Variants in NT5DC4 observed in about 807,000 individuals in gnomAD.
NT5DC4 encodes the protein 5'-nucleotidase domain containing 4.
In NT5DC4, 44 loss-of-function variants were observed where a neutral mutation model predicts 26.6. The ratio of observed to expected loss-of-function variants is 1.65; its 90% CI spans 1.30 to 2.13. NT5DC4 has a LOEUF of 2.13. Ranked by LOEUF, NT5DC4 falls within the 30% of genes most tolerant of loss-of-function variation. The pLI, the probability that NT5DC4 is intolerant of heterozygous loss-of-function variation, is 0.00. For synonymous variants in NT5DC4, 157 were observed against 86.7 expected (o/e 1.81, Z -4.51); for missense variants, 399 against 228.1 (o/e 1.75, Z -4.83).
At chr2:112,734,725 C>T (rs896630007) in intron 16 of NT5DC4, among the ~76,000 whole-genome samples, 8 of 152,092 alleles carry the variant, frequency 5.3e-5, no homozygotes, top group African/African-American at 1.4e-4. Context: ...AGTCTTGCTC[C>T]GTCGCCTAGG....
At chr2:112,740,924 A>G, downstream of NT5DC4, 4 of 1,614,028 alleles carry the variant, frequency 2.5e-6, no homozygotes, top group Non-Finnish European at 3.4e-6. Flanking sequence ...GGAGAAAGAC[A>G]AGACTTCACA....
chr2:112,738,462 A>G (rs1177847446), intron 16 of NT5DC4: 1 of 214,514 alleles, frequency 4.7e-6, no homozygotes, highest in Non-Finnish European at 9.4e-6. Context: ...GCCCTCTGCT[A>G]AGGTGGATGC....
chr2:112,719,267 G>A (rs1182573092), upstream of NT5DC4, among the ~76,000 whole-genome samples: 1 of 152,206 alleles, frequency 6.6e-6, no homozygotes, highest in African/African-American at 2.4e-5. Context: ...ATGGGACTCA[G>A]TGGCATACGC....
At chr2:112,739,880 C>T (rs1435303487), downstream of NT5DC4, among the ~76,000 whole-genome samples, 3 of 152,166 alleles carry the variant, frequency 2.0e-5, no homozygotes, top group Non-Finnish European at 4.4e-5. Context: ...TCTTGAACTC[C>T]TAGGCTCAAG....
chr2:112,736,854 T>C (rs1246964374), intron 16 of NT5DC4: 1 of 152,244 alleles, frequency 6.6e-6, no homozygotes, highest in Non-Finnish European at 1.5e-5. Flanking sequence ...ATTTAGGTTG[T>C]TTCCACATCT....
intron 1 of NT5DC4, chr2:112,721,428 T>C (rs1475689364): frequency 2.8e-6 from 2 of 716,004 alleles, no homozygotes; most frequent in Non-Finnish European, 2.6e-6. Flanking sequence ...TATCCAATTG[T>C]GACAAACACA....
At position 112,722,091 on chromosome 2, in the gene NT5DC4, C is replaced by T. The variant is rs1371571931; in HGVS notation, c.254C>T (p.Thr85Ile). ...ATCCTGCGCTACACCTACGACCCCA[C>T]CTTCCCCACCAGGTGTGTGGCTCAG... Reference protein sequence around the residue: ...HEILRYTYDPTFPTRRLVFDE... With the variant: ...HEILRYTYDPIFPTRRLVFDE... Residue 85 changes from threonine to isoleucine, a missense_variant, in exon 3 of 17, where the codon ACC becomes ATC. Transcript: ENST00000688554. 6 of 716,968 alleles carry T rather than the reference C, an allele frequency of 8.4e-6. No homozygotes were observed. The highest frequency in any genetic ancestry group is 4.0e-5 in the Admixed American group (2 of 50,006). The allele number at this position is 716,968 out of a possible 1,614,324, so 44.4% of individuals were successfully genotyped here.
chr2:112,719,971 TTTCTTTC>T (rs1676728892), upstream of NT5DC4, among the ~76,000 whole-genome samples: 1 of 121,062 alleles, frequency 8.3e-6, no homozygotes, highest in African/African-American at 3.2e-5. Context: ...TCTTTCTTTC[TTTCTTTC>T]TTTCTTTCTT....
intron 16 of NT5DC4, among the ~76,000 whole-genome samples, chr2:112,734,780 CCCGGGTTCAAGTGATCCT>C (rs1385106838): frequency 6.6e-6 from 1 of 152,160 alleles, no homozygotes; most frequent in Admixed American, 6.5e-5. Flanking sequence ...CCCTTTGTTT[CCCGGGTTCAAGTGATCCT>C]CCTGCCTCAG....
downstream of NT5DC4, chr2:112,742,834 C>T: frequency 9.3e-7 from 1 of 1,077,468 alleles, no homozygotes; most frequent in Non-Finnish European, 1.4e-6. Context: ...TGCTAAGGAA[C>T]TTTAACTTCA....
chr2:112,724,860 A>T lies in NT5DC4; in HGVS notation c.869A>T (p.Glu290Val). Residue 290 changes from glutamate (E) to valine (V), a missense_variant, in exon 11 of 17, where the codon GAG becomes GTG. Glu to Val is a moderately radical substitution (Grantham distance 121). Coordinates refer to ENST00000688554, the MANE Select transcript of NT5DC4 (RefSeq NM_001393655.1). ...VDTQKPHFFAEGLVLRQVNTV... is the reference protein window; with the variant it reads ...VDTQKPHFFAVGLVLRQVNTV... Reference sequence around the variant, plus strand: ...ACGCAGAAGCCCCACTTCTTTGCAGAGGGGTTGGTCCTGAGGCAGGTCAAC... The same window carrying T: ...ACGCAGAAGCCCCACTTCTTTGCAGTGGGGTTGGTCCTGAGGCAGGTCAAC... The T allele has an allele frequency of 1.4e-6, 1 of 717,118 alleles. No individual in the cohort carries two copies. The highest frequency in any genetic ancestry group is 1.5e-5 in the South Asian group (1 of 67,588). The allele number at this position is 717,118 out of a possible 1,614,324, so 44.4% of individuals were successfully genotyped here. A position where few individuals can be genotyped will look rare whatever the true frequency, so the allele number is the denominator to read the frequency against.
Position 112,738,896 on chromosome 2 carries a change from TC to T in NT5DC4, c.1345-16del. 6.2e-7 allele frequency: 1 copy of T among 1,614,140 alleles called. No individual in the cohort carries two copies. Among genetic ancestry groups the T allele is most frequent in the Non-Finnish European group, 8.5e-7 (1 of 1,179,990 alleles). On this transcript the variant is annotated splice_polypyrimidine_tract_variant and intron_variant, in intron 16 of 16. Coordinates refer to ENST00000688554, the MANE Select transcript of NT5DC4 (RefSeq NM_001393655.1). ...TCTACGGAATATAAAACATTTTGTT[TC>T]TTCCACTTCTAACAGTTCATCAAGA...
chr2:112,726,283 T>C lies in NT5DC4; in HGVS notation c.1199T>C (p.Ile400Thr). Residue 400 changes from isoleucine (I) to threonine (T), a missense_variant, in exon 14 of 17, where the codon ATA (isoleucine) becomes ACA (threonine). By Grantham distance (89) the Ile-to-Thr change is moderately conservative. Coordinates refer to ENST00000688554, the MANE Select transcript of NT5DC4 (RefSeq NM_001393655.1). ...LKRLDTHLAD[I>T]YQHMDGSSCE... is the part of the protein sequence containing the mutation. ...AGACTGGACACGCACCTGGCAGACATATACCAGTGAGACCCTGGCCTTTCT... is the reference window on the plus strand; with the variant it reads ...AGACTGGACACGCACCTGGCAGACACATACCAGTGAGACCCTGGCCTTTCT... 1.4e-6 allele frequency: 1 copy of C among 716,960 alleles called. No homozygotes were observed. The highest frequency in any genetic ancestry group is 2.6e-6 in the Non-Finnish European group (1 of 384,910). 44.4% of individuals were successfully genotyped at this position (716,960 alleles called of 1,614,324 possible).
At chr2:112,735,489 C>CG (rs986070796) in intron 16 of NT5DC4, among the ~76,000 whole-genome samples, 1 of 121,426 alleles carries the variant, frequency 8.2e-6, no homozygotes, top group African/African-American at 2.5e-5. Flanking sequence ...TCCTCCCCCC[C>CG]CTTTTTTTCT....
At chr2:112,739,095 ATTATCT>A (rs1287949216), downstream of NT5DC4, 2 of 1,371,086 alleles carry the variant, frequency 1.5e-6, no homozygotes, top group African/African-American at 2.9e-5. Context: ...ATTTAAAAAA[ATTATCT>A]TTATTATTTT....
chr2:112,719,694 C>T (rs564560091), upstream of NT5DC4, among the ~76,000 whole-genome samples: 45 of 152,016 alleles, frequency 3.0e-4, no homozygotes, highest in Non-Finnish European at 5.2e-4. Context: ...CCGTGCTGGC[C>T]AGGCTTGTCT....
downstream of NT5DC4, among the ~76,000 whole-genome samples, chr2:112,739,599 T>TA (rs1679726201): frequency 6.6e-6 from 1 of 152,222 alleles, no homozygotes; most frequent in Non-Finnish European, 1.5e-5. Flanking sequence ...TGACAAGTTT[T>TA]AAGGAAATGG....
chr2:112,728,273 T>C (rs926538290), intron 15 of NT5DC4, among the ~76,000 whole-genome samples: 5 of 152,192 alleles, frequency 3.3e-5, no homozygotes, highest in African/African-American at 1.2e-4. Flanking sequence ...GGATATCAGT[T>C]GCAAGGAGGA....
Position 112,723,767 on chromosome 2 carries a change from T to C in NT5DC4, c.721T>C (p.Phe241Leu). The C allele has an allele frequency of 1.4e-6, 1 of 717,186 alleles. No individual in the cohort carries two copies. Among genetic ancestry groups the C allele is most frequent in the Non-Finnish European group, 2.6e-6 (1 of 385,030 alleles). The allele number at this position is 717,186 out of a possible 1,614,324, so 44.4% of individuals were successfully genotyped here. ...GAAGATGAAGGAGGTTGGGAAAGTGTTTCTGGCCACCAACAGCAGCTACAA... is the reference window on the plus strand; with the variant it reads ...GAAGATGAAGGAGGTTGGGAAAGTGCTTCTGGCCACCAACAGCAGCTACAA... ...LGKMKEVGKVFLATNSSYNYT... is the reference protein window; with the variant it reads ...LGKMKEVGKVLLATNSSYNYT... The change falls in exon 9 of 17, where the codon TTT (phenylalanine) becomes CTT (leucine). Residue 241 changes from phenylalanine (F) to leucine (L), a missense_variant. Phe to Leu is a conservative substitution (Grantham distance 22, BLOSUM62 0). Transcript: ENST00000688554.
Sources: allele counts gnomAD v4.1 joint callset (sites outside exome capture counted in the v4.1 genomes callset), GRCh38; gene constraint gnomAD v4.1.1; transcripts MANE v1.5; gene names NCBI Gene and HGNC (gene_info 2026-07-23, HGNC 2026-07-21).